Variants in CDH22 observed in about 807,000 individuals in gnomAD.
The protein encoded by CDH22 is cadherin 22.
A neutral mutation model predicts 58.4 loss-of-function variants in CDH22; 30 were observed. The observed-to-expected ratio is 0.51, with a 90% CI of 0.38 to 0.70. The LOEUF is 0.70. Among genes scored for constraint, CDH22 ranks in the 30% least tolerant of loss-of-function variants. The pLI is 0.00. For synonymous variants in CDH22, 513 were observed against 558.2 expected, an observed-to-expected ratio of 0.92 and a Z score of 1.14; for missense variants, 1,014 against 1,233.9, an observed-to-expected ratio of 0.82 and a Z score of 2.67.
intron 3 of CDH22, 42 bp downstream of exon 3, chr20:46,240,921 T>G: frequency 6.4e-7 from 1 of 1,555,522 alleles, no homozygotes; most frequent in Non-Finnish European, 8.8e-7. Flanking sequence ...CACTTGGGGA[T>G]CACCTTGATC....
chr20:46,306,692 A>G (rs2086679453), intron 1 of CDH22, among the ~76,000 whole-genome samples: 1 of 152,180 alleles, frequency 6.6e-6, no homozygotes, highest in Non-Finnish European at 1.5e-5. Flanking sequence ...GCTACAGAAA[A>G]ACTGAGGCAG....
intron 1 of CDH22, among the ~76,000 whole-genome samples, chr20:46,268,283 C>T (rs3904165): frequency 0.051 from 7,799 of 152,346 alleles, 365 homozygotes; most frequent in East Asian, 0.24. Flanking sequence ...GGCCCCGCTC[C>T]GAGGGTCTGT....
chr20:46,237,047 C>A (rs2086258481), intron 3 of CDH22, among the ~76,000 whole-genome samples: 1 of 152,154 alleles, frequency 6.6e-6, no homozygotes, highest in African/African-American at 2.4e-5. Flanking sequence ...TGTCTCTGTC[C>A]TGACTCTCCC....
chr20:46,257,100 G>C (rs1006717885), intron 1 of CDH22, among the ~76,000 whole-genome samples: 3 of 151,664 alleles, frequency 2.0e-5, no homozygotes, highest in Non-Finnish European at 2.9e-5. Context: ...TTGAGCCCAG[G>C]AGTTCAAGAC....
chr20:46,252,561 G>C (rs1002814966), intron 1 of CDH22, among the ~76,000 whole-genome samples: 13 of 152,252 alleles, frequency 8.5e-5, no homozygotes, highest in African/African-American at 2.7e-4. Context: ...GGTGTTTACA[G>C]GGGACAGCGA....
intron 3 of CDH22, among the ~76,000 whole-genome samples, chr20:46,228,006 T>C (rs2086192036): frequency 6.6e-6 from 1 of 152,206 alleles, no homozygotes; most frequent in African/African-American, 2.4e-5. Context: ...CACAGAGCTG[T>C]TCACAGAAGT....
At chr20:46,176,927 G>A (rs960614894) in intron 11 of CDH22, among the ~76,000 whole-genome samples, 2 of 152,236 alleles carry the variant, frequency 1.3e-5, no homozygotes, top group Non-Finnish European at 2.9e-5. Context: ...TTCTTCGTTT[G>A]TGGGCAATTA....
intron 10 of CDH22, among the ~76,000 whole-genome samples, chr20:46,183,860 G>A (rs1208234885): frequency 6.6e-6 from 1 of 152,086 alleles, no homozygotes; most frequent in Non-Finnish European, 1.5e-5. Context: ...TGGCCCCCTC[G>A]CTGACCACAT....
chr20:46,186,798 C>T (rs769739671), intron 9 of CDH22, 28 bp downstream of exon 9: 22 of 1,594,672 alleles, frequency 1.4e-5, no homozygotes, highest in South Asian at 5.7e-5. Flanking sequence ...CTGGAAGCAA[C>T]GCCCAGTCCC....
Position 46,308,458 on chromosome 20 carries a change from G to A in CDH22, c.-603C>T, listed in dbSNP as rs530328457. The A allele has an allele frequency of 1.4e-5, 3 of 216,004 alleles. No homozygotes were observed. Among genetic ancestry groups the A allele is most frequent in the Non-Finnish European group, 2.8e-5 (3 of 107,316 alleles). 13.4% of individuals were successfully genotyped at this position (216,004 alleles called of 1,614,324 possible). A position where few individuals can be genotyped will look rare whatever the true frequency, so the allele number is the denominator to read the frequency against. On this transcript the variant is annotated 5_prime_UTR_variant, in exon 1 of 12. Coordinates refer to ENST00000537909, the MANE Select transcript of CDH22 (RefSeq NM_021248.3). The surrounding 1 kb of genome is among the most constrained non-coding windows in gnomAD (Gnocchi z 4.3). ...GAGAGCGAGAGAGCGAGAGAGCGAG[G>A]GAGTGAGCGAGCGAGCGGGAGCGAG...
In CDH22 at chr20:46,197,741, G is replaced by T. The variant is rs556259341; in HGVS notation, c.1423+1682C>A. ...ATGCGGTAGAGGAGTGGATTCAAAG[G>T]CTCCAGAGCAGCAGTCACTGAGGTC... On this transcript the variant is annotated intron_variant, in intron 8 of 11. Coordinates refer to ENST00000537909, the MANE Select transcript of CDH22 (RefSeq NM_021248.3). Among the ~76,000 whole-genome samples, 8 of 152,324 alleles carry T rather than the reference G, an allele frequency of 5.3e-5. No homozygotes were observed. In the East Asian group the frequency reaches 1.2e-3, roughly 22 times the overall value.
In CDH22 at chr20:46,235,871, C is replaced by T. The variant is rs193106685; in HGVS notation, c.550+5092G>A. 3.2e-4 allele frequency among the ~76,000 whole-genome samples: 48 copies of T among 152,310 alleles called. 1 individual carries two copies. Among genetic ancestry groups the T allele is most frequent in the Admixed American group, 6.5e-4 (10 of 15,292 alleles). On this transcript the variant is annotated intron_variant, in intron 3 of 11. Coordinates refer to ENST00000537909, the MANE Select transcript of CDH22 (RefSeq NM_021248.3). The stretch of plus-strand genomic sequence containing the variant: ...ATTTTCAACATGGTGGACAACAAGT[C>T]GTTCTTTTAAAATATAAGCTGGATT...
intron 7 of CDH22, among the ~76,000 whole-genome samples, chr20:46,205,919 T>C (rs1003097096): frequency 7.2e-5 from 11 of 152,232 alleles, no homozygotes; most frequent in South Asian, 2.1e-4. Context: ...GGGCACACTC[T>C]CCCCATTCCA....
intron 8 of CDH22, among the ~76,000 whole-genome samples, chr20:46,195,786 G>C (rs1418577526): frequency 6.6e-6 from 1 of 152,242 alleles, no homozygotes; most frequent in Non-Finnish European, 1.5e-5. Flanking sequence ...CAGAATGGAT[G>C]ACTCAGAAGT....
intron 10 of CDH22, among the ~76,000 whole-genome samples, chr20:46,180,104 TA>T (rs1423123081): frequency 6.6e-6 from 1 of 152,218 alleles, no homozygotes; most frequent in Non-Finnish European, 1.5e-5. Flanking sequence ...CACGTTGTGT[TA>T]AGTTAGTGTG....
chr20:46,265,376 A>G (rs2086454512), intron 1 of CDH22, among the ~76,000 whole-genome samples: 1 of 152,140 alleles, frequency 6.6e-6, no homozygotes, highest in Non-Finnish European at 1.5e-5. Flanking sequence ...CTTGATAATG[A>G]AAGCTGCACA....
intron 1 of CDH22, among the ~76,000 whole-genome samples, chr20:46,257,698 G>A (rs1209979392): frequency 6.6e-6 from 1 of 152,222 alleles, no homozygotes; most frequent in Non-Finnish European, 1.5e-5. Flanking sequence ...GCAGGCTCCT[G>A]TACCTATGGC....
At chr20:46,262,294 G>A (rs1451832847) in intron 1 of CDH22, among the ~76,000 whole-genome samples, 2 of 152,054 alleles carry the variant, frequency 1.3e-5, no homozygotes, top group South Asian at 2.1e-4. Flanking sequence ...CATCACCCAG[G>A]AAGGCAAAGG....
chr20:46,303,336 GC>G (rs1043906168), intron 1 of CDH22, among the ~76,000 whole-genome samples: 3 of 152,120 alleles, frequency 2.0e-5, no homozygotes, highest in African/African-American at 7.2e-5. Context: ...CTGCGAGACA[GC>G]CTGCAGGTGT....
Sources: allele counts gnomAD v4.1 joint callset (sites outside exome capture counted in the v4.1 genomes callset), GRCh38; gene constraint gnomAD v4.1.1; non-coding constraint Gnocchi (gnomAD v3.1); transcripts MANE v1.5; gene names NCBI Gene and HGNC (gene_info 2026-07-23, HGNC 2026-07-21).